The following NFIA variants were observed in gnomAD, a reference collection of about 807,000 sequenced individuals.
The protein encoded by NFIA is nuclear factor I A.
NFIA carries 8 observed loss-of-function variants against 62.8 expected under a neutral mutation model. The ratio of observed to expected loss-of-function variants is 0.13; its 90% CI spans 0.07 to 0.23. NFIA has a LOEUF of 0.23. NFIA is among the 10% of genes least tolerant of loss of function. NFIA has a pLI of 1.00. For missense variants in NFIA, 410 were observed against 642.1 expected, an observed-to-expected ratio of 0.64 and a Z score of 3.91; for synonymous variants, 235 against 238.1, an observed-to-expected ratio of 0.99 and a Z score of 0.12.
intron 3 of NFIA, among the ~76,000 whole-genome samples, chr1:61,310,318 T>C (rs1483767767): frequency 1.3e-5 from 2 of 152,208 alleles, no homozygotes; most frequent in African/African-American, 4.8e-5. Flanking sequence ...AGAACTGCCA[T>C]GTTATCTTCC....
chr1:61,379,598 C>G (rs12064509), intron 6 of NFIA, among the ~76,000 whole-genome samples: 23,072 of 151,358 alleles, frequency 0.15, 2,235 homozygotes, highest in African/African-American at 0.28. Flanking sequence ...AGTAGAGATG[C>G]GGTTTCACCA....
At chr1:61,158,030 A>G (rs1480987493) in intron 2 of NFIA, among the ~76,000 whole-genome samples, 2 of 152,240 alleles carry the variant, frequency 1.3e-5, no homozygotes, top group African/African-American at 2.4e-5. Context: ...AGCTTTGTGT[A>G]TCTTATAAAG....
rs1458904539 is a variant in NFIA, at chr1:61,455,413, C to T, written c.*93C>T. 6.3e-6 allele frequency: 10 copies of T among 1,598,894 alleles called. No individual in the cohort carries two copies. Among genetic ancestry groups the T allele is most frequent in the Non-Finnish European group, 8.5e-6 (10 of 1,169,938 alleles). On this transcript the variant is annotated 3_prime_UTR_variant, in exon 11 of 11. Transcript: ENST00000403491. ...CAACCTCAACCCAGCGCAGTTACAA[C>T]TTCACTATCAGCGGAAGGGGAGAAA...
At chr1:61,100,049 C>T (rs1033192645) in intron 2 of NFIA, among the ~76,000 whole-genome samples, 1 of 152,190 alleles carries the variant, frequency 6.6e-6, no homozygotes. Flanking sequence ...AAAATATTCT[C>T]TGCAAATACA....
At chr1:61,126,920 G>A (rs564833340) in intron 2 of NFIA, among the ~76,000 whole-genome samples, 45 of 151,090 alleles carry the variant, frequency 3.0e-4, no homozygotes, top group Middle Eastern at 6.8e-3. Flanking sequence ...GAGTAGCTGG[G>A]ACTACAGATG....
rs67912567 is a variant in NFIA at position 61,257,329 on chromosome 1, GTTTTTTTTTT to G, written c.560-20174_560-20165del. Among the ~76,000 whole-genome samples the G allele has an allele frequency of 1.3e-4, 7 of 54,730 alleles. No homozygotes were observed. The East Asian group carries it at 4.8e-3, about 38-fold the overall frequency. 35.9% of individuals were successfully genotyped at this position (54,730 alleles called of 152,430 possible). A position where few individuals can be genotyped will look rare whatever the true frequency, so the allele number is the denominator to read the frequency against. On this transcript the variant is annotated intron_variant, in intron 2 of 10. Transcript: ENST00000403491. ...TGTTTTTTATATTTTTTACTGCGTT[GTTTTTTTTTT>G]TTTTTTTTTTTTTTTTGAGACAGAG...
intron 2 of NFIA, among the ~76,000 whole-genome samples, chr1:61,181,995 A>G (rs1020722641): frequency 1.3e-5 from 2 of 152,198 alleles, no homozygotes; most frequent in Admixed American, 6.5e-5. Flanking sequence ...ACTTGGGAAA[A>G]TTATTGCTTT....
rs972272619 is a variant in NFIA at position 61,459,649 on chromosome 1, C to T, written c.*4329C>T. The T allele has an allele frequency of 4.6e-5, 7 of 152,376 alleles. No individual in the cohort carries two copies. The highest frequency in any genetic ancestry group is 2.0e-4 in the Admixed American group (3 of 15,304). The allele number at this position is 152,376 out of a possible 1,614,324, so 9.4% of individuals were successfully genotyped here. On this transcript the variant is annotated 3_prime_UTR_variant, in exon 11 of 11. Transcript: ENST00000403491. ...AAGTGTGAAGGAACCCAGACTTCCC[C>T]GAGCCACGGTGTTCAGTCAGCCCAC...
Position 61,332,633 on chromosome 1 carries a change from T to C in NFIA, c.700+47T>C, listed in dbSNP as rs781186263. The stretch of plus-strand genomic sequence containing the variant: ...TTTGGTACAGATTTGCCTTGGTTTG[T>C]GCTTACTTTCTGCCTAGGACTCCTA... On this transcript the variant is annotated intron_variant, in intron 4 of 10. Coordinates refer to ENST00000403491, the MANE Select transcript of NFIA (RefSeq NM_001134673.4). The C allele has an allele frequency of 5.1e-6, 8 of 1,560,628 alleles. No individual in the cohort carries two copies. In the South Asian group the frequency reaches 9.0e-5, roughly 17 times the overall value.
At chr1:61,128,600 A>C (rs1177540215) in intron 2 of NFIA, among the ~76,000 whole-genome samples, 1 of 152,142 alleles carries the variant, frequency 6.6e-6, no homozygotes, top group Non-Finnish European at 1.5e-5. Context: ...CTCAAAACCA[A>C]AAAAGATGAC....
At chr1:61,312,794 T>C (rs1282824099) in intron 3 of NFIA, among the ~76,000 whole-genome samples, 2 of 152,098 alleles carry the variant, frequency 1.3e-5, no homozygotes, top group Admixed American at 1.3e-4. Flanking sequence ...ATTACAGGTG[T>C]GAGCCACCAT....
intron 3 of NFIA, among the ~76,000 whole-genome samples, chr1:61,327,033 A>AT (rs58878856): frequency 0.47 from 67,904 of 145,778 alleles, 18,543 homozygotes; most frequent in Admixed American, 0.63. Flanking sequence ...TAAAAGAAAA[A>AT]AAAATATATA....
chr1:61,247,734 T>C (rs1441888178), intron 2 of NFIA, among the ~76,000 whole-genome samples: 1 of 152,124 alleles, frequency 6.6e-6, no homozygotes, highest in Non-Finnish European at 1.5e-5. Context: ...TTGAGTTTGC[T>C]GCCACCATTG....
chr1:61,385,741 G>A (rs1381733476), intron 7 of NFIA: 2 of 152,150 alleles, frequency 1.3e-5, no homozygotes, highest in Admixed American at 6.5e-5. Context: ...GAACCAGAGT[G>A]GACCTCCTTA....
At chr1:61,207,626 C>G (rs1056101060) in intron 2 of NFIA, among the ~76,000 whole-genome samples, 1 of 152,112 alleles carries the variant, frequency 6.6e-6, no homozygotes, top group African/African-American at 2.4e-5. Context: ...ACCACAGAAG[C>G]GCTGTTCAGA....
intron 2 of NFIA, among the ~76,000 whole-genome samples, chr1:61,256,037 C>A (rs566866051): frequency 2.6e-5 from 4 of 152,102 alleles, no homozygotes; most frequent in Non-Finnish European, 5.9e-5. Context: ...TGGCTTCCCT[C>A]GACCACATTG....
chr1:61,189,957 C>T (rs529217095), intron 2 of NFIA, among the ~76,000 whole-genome samples: 3 of 152,172 alleles, frequency 2.0e-5, no homozygotes, highest in African/African-American at 2.4e-5. Context: ...AATAATGTCA[C>T]GTATTGCTTG....
chr1:61,311,265 C>G (rs1016340415), intron 3 of NFIA, among the ~76,000 whole-genome samples: 2 of 152,084 alleles, frequency 1.3e-5, no homozygotes, highest in Non-Finnish European at 2.9e-5. Flanking sequence ...GTGGCACATG[C>G]CTATAGTCCC....
intron 10 of NFIA, among the ~76,000 whole-genome samples, chr1:61,443,197 A>G (rs574311041): frequency 6.6e-6 from 1 of 152,362 alleles, no homozygotes; most frequent in South Asian, 2.1e-4. Context: ...GATCTAGCAC[A>G]TGAAGATGAG....
Sources: gnomAD v4.1 joint callset for allele counts (sites outside exome capture counted in the v4.1 genomes callset) on GRCh38, gnomAD v4.1.1 for gene constraint, MANE v1.5 for transcripts, NCBI Gene and HGNC (gene_info 2026-07-23, HGNC 2026-07-21) for gene names.